The following CAMLG variants were observed in gnomAD, a reference collection of about 807,000 sequenced individuals.
CAMLG encodes the protein calcium modulating ligand.
A neutral mutation model predicts 28.9 loss-of-function variants in CAMLG; 23 were observed. The ratio of observed to expected loss-of-function variants is 0.80; its 90% confidence interval spans 0.57 to 1.13. The LOEUF (loss-of-function observed/expected upper bound fraction) is 1.13, where lower values mean the gene tolerates loss of function less well. CAMLG is among the 50% of genes most tolerant of loss of function. CAMLG has a pLI of 0.00. For missense variants in CAMLG, 367 were observed against 371.9 expected (o/e 0.99, Z 0.11); for synonymous variants, 141 against 146.5 (o/e 0.96, Z 0.27).
intron 1 of CAMLG, among the ~76,000 whole-genome samples, chr5:134,740,599 C>CT (rs1327731473): frequency 5.1e-4 from 77 of 151,894 alleles, no homozygotes; most frequent in East Asian, 3.3e-3. Context: ...CAGCTTTTTT[C>CT]TTTTTTTTGT....
intron 3 of CAMLG, among the ~76,000 whole-genome samples, chr5:134,749,309 C>T (rs145506998): frequency 0.1 from 15,916 of 152,032 alleles, 1,143 homozygotes; most frequent in East Asian, 0.26. Context: ...ACCTTGTGAT[C>T]CACCCACCTC....
chr5:134,738,910 C>T (rs1223757147), intron 1 of CAMLG, 118 bp downstream of exon 1: 4 of 965,696 alleles, frequency 4.1e-6, no homozygotes, highest in East Asian at 2.7e-5. Context: ...TCTTTGATTT[C>T]CTCTCTGTCC....
In CAMLG at chr5:134,741,491, C is replaced by G. The variant is rs750597533; in HGVS notation, c.601C>G (p.Leu201Val). The G allele has an allele frequency of 1.9e-6, 3 of 1,611,622 alleles. No individual in the cohort carries two copies. The highest frequency in any genetic ancestry group is 2.5e-6 in the Non-Finnish European group (3 of 1,178,212). The change falls in exon 2 of 4, where the codon CTT (leucine) becomes GTT (valine). Residue 201 changes from leucine to valine, a missense_variant. Leu to Val is a conservative substitution (Grantham distance 32). Transcript: ENST00000297156. ...ATTGGTGGGATGTGCTCTTCTTGCTCTTGGAGTCAGAGCTTTTGTTTGCAA... is the reference window on the plus strand; with the variant it reads ...ATTGGTGGGATGTGCTCTTCTTGCTGTTGGAGTCAGAGCTTTTGTTTGCAA... ...FRLVGCALLALGVRAFVCKYL... is the reference protein window; with the variant it reads ...FRLVGCALLAVGVRAFVCKYL...
At chr5:134,741,687 T>C (rs556511791) in intron 2 of CAMLG, among the ~76,000 whole-genome samples, 164 bp downstream of exon 2, 21 of 152,366 alleles carry the variant, frequency 1.4e-4, no homozygotes, top group African/African-American at 2.9e-4. Flanking sequence ...TCTCATAGAA[T>C]GAAGTGTTCT....
Position 134,738,918 on chromosome 5 carries a change from T to G in CAMLG, c.172+126T>G, listed in dbSNP as rs536555059. The G allele has an allele frequency of 2.5e-5, 23 of 907,374 alleles. No homozygotes were observed. In the East Asian group the frequency reaches 6.0e-4, roughly 24 times the overall value. The allele number at this position is 907,374 out of a possible 1,614,324, so 56.2% of individuals were successfully genotyped here. A position where few individuals can be genotyped will look rare whatever the true frequency, so the allele number is the denominator to read the frequency against. ...GCCTTGCTCTTTGATTTCCTCTCTG[T>G]CCCGCCCCTTCGGTGATATCCCAAG... On this transcript the variant is annotated intron_variant, in intron 1 of 3. Transcript: ENST00000297156.
chr5:134,750,985 A>C lies in CAMLG; in HGVS notation c.*35A>C. The C allele has an allele frequency of 6.5e-7, 1 of 1,532,556 alleles. No individual in the cohort carries two copies. The highest frequency in any genetic ancestry group is 8.9e-7 in the Non-Finnish European group (1 of 1,129,470). The allele number at this position is 1,532,556 out of a possible 1,614,324, so 94.9% of individuals were successfully genotyped here. On this transcript the variant is annotated 3_prime_UTR_variant, in exon 4 of 4. Transcript: ENST00000297156. ...AACTGAGAAGGAGAAGCTTACAAAAAAAAAAAAATCCTCTTCTATATTGCA... is the reference window on the plus strand; with the variant it reads ...AACTGAGAAGGAGAAGCTTACAAAACAAAAAAAATCCTCTTCTATATTGCA...
At chr5:134,749,060 G>A (rs1362978123) in intron 3 of CAMLG, among the ~76,000 whole-genome samples, 2 of 150,472 alleles carry the variant, frequency 1.3e-5, no homozygotes, top group Non-Finnish European at 3.0e-5. Flanking sequence ...TTTCTTTTAG[G>A]TAACTATAGG....
intron 2 of CAMLG, among the ~76,000 whole-genome samples, chr5:134,742,366 C>T (rs1364113857): frequency 2.0e-5 from 3 of 152,172 alleles, no homozygotes; most frequent in Non-Finnish European, 4.4e-5. Flanking sequence ...AGCTACTAAG[C>T]GGTGCTAGGA....
chr5:134,740,989 T>G, intron 1 of CAMLG, 74 bp from the exon 2 acceptor site: 1 of 976,988 alleles, frequency 1.0e-6, no homozygotes, highest in Non-Finnish European at 1.6e-6. Flanking sequence ...CAACAGCATA[T>G]TTTAAAACAT....
chr5:134,740,413 A>C (rs1200209804), intron 1 of CAMLG, among the ~76,000 whole-genome samples: 1 of 152,190 alleles, frequency 6.6e-6, no homozygotes, highest in Non-Finnish European at 1.5e-5. Context: ...CAGGCAATGC[A>C]ATCATACATC....
At chr5:134,745,292 C>T (rs946846677) in intron 3 of CAMLG, among the ~76,000 whole-genome samples, 10 of 151,704 alleles carry the variant, frequency 6.6e-5, no homozygotes, top group Non-Finnish European at 1.5e-4. Context: ...AAAAGTTAGC[C>T]GGGCGTGGTG....
chr5:134,749,646 G>T (rs1753090475), intron 3 of CAMLG, among the ~76,000 whole-genome samples: 2 of 152,132 alleles, frequency 1.3e-5, no homozygotes, highest in South Asian at 4.1e-4. Flanking sequence ...CCTCTAACTT[G>T]TCCTGAGACT....
chr5:134,745,539 G>T (rs1201140315), intron 3 of CAMLG, among the ~76,000 whole-genome samples: 1 of 151,962 alleles, frequency 6.6e-6, no homozygotes, highest in Non-Finnish European at 1.5e-5. Flanking sequence ...ATCACCTGAG[G>T]TCAGGAGCTC....
In CAMLG at chr5:134,741,485, C is replaced by G; in HGVS notation, c.595C>G (p.Leu199Val). 6.2e-7 allele frequency: 1 copy of G among 1,613,300 alleles called. No individual in the cohort carries two copies. Among genetic ancestry groups the G allele is most frequent in the Non-Finnish European group, 8.5e-7 (1 of 1,179,318 alleles). ...RIFRLVGCAL[L>V]ALGVRAFVCK... ...ATTTAGATTGGTGGGATGTGCTCTTCTTGCTCTTGGAGTCAGAGCTTTTGT... is the reference window on the plus strand; with the variant it reads ...ATTTAGATTGGTGGGATGTGCTCTTGTTGCTCTTGGAGTCAGAGCTTTTGT... Residue 199 changes from leucine (L) to valine (V), a missense_variant, in exon 2 of 4, where the codon CTT (leucine) becomes GTT (valine). Coordinates refer to ENST00000297156, the MANE Select transcript of CAMLG (RefSeq NM_001745.4).
chr5:134,739,436 T>A (rs1752957685), intron 1 of CAMLG, among the ~76,000 whole-genome samples: 1 of 152,222 alleles, frequency 6.6e-6, no homozygotes, highest in Non-Finnish European at 1.5e-5. Flanking sequence ...AGTGCACACC[T>A]GAGAGTTTCC....
intron 3 of CAMLG, among the ~76,000 whole-genome samples, chr5:134,747,831 G>A (rs1274738657): frequency 6.6e-6 from 1 of 151,480 alleles, no homozygotes; most frequent in Non-Finnish European, 1.5e-5. Context: ...TAGTAGAGAC[G>A]GGGTTTCACC....
In CAMLG at chr5:134,750,804, T is replaced by C. The variant is rs146082470; in HGVS notation, c.745T>C (p.Leu249=). ...AACAGTACTAACAGCTGCACTTCTA[T>C]TGTCGGGAATTCCTGCCGAAGTGAT... The part of the protein sequence containing the change: ...KTTVLTAALL[L]SGIPAEVINR... The change falls in exon 4 of 4, where the codon TTG becomes CTG. Residue 249 remains leucine, a synonymous_variant. Transcript: ENST00000297156. 2.4e-5 allele frequency: 39 copies of C among 1,613,932 alleles called. No homozygotes were observed. In the African/African-American group the frequency reaches 4.3e-4, roughly 18 times the overall value.
Position 134,738,746 on chromosome 5 carries a change from G to C in CAMLG, c.126G>C (p.Gln42His). 6.2e-7 allele frequency: 1 copy of C among 1,614,156 alleles called. No homozygotes were observed. Among genetic ancestry groups the C allele is most frequent in the Non-Finnish European group, 8.5e-7 (1 of 1,180,016 alleles). ...RRRKLLMNSE[Q>H]RINRIMGFHR... ...GAAAGCTGCTCATGAACTCGGAACA[G>C]CGCATCAACCGGATCATGGGCTTTC... Residue 42 changes from glutamine (Q) to histidine (H), a missense_variant, in exon 1 of 4, where the codon CAG becomes CAC. Coordinates refer to ENST00000297156, the MANE Select transcript of CAMLG (RefSeq NM_001745.4).
At chr5:134,744,515 AGACTCT>A (rs1310455359) in intron 3 of CAMLG, among the ~76,000 whole-genome samples, 5 of 142,538 alleles carry the variant, frequency 3.5e-5, no homozygotes, top group African/African-American at 8.2e-5. Context: ...TGACAGAGTG[AGACTCT>A]GTCTCCAAAA....
Sources: gnomAD v4.1 joint callset for allele counts (sites outside exome capture counted in the v4.1 genomes callset) on GRCh38, gnomAD v4.1.1 for gene constraint, MANE v1.5 for transcripts, NCBI Gene and HGNC (gene_info 2026-07-23, HGNC 2026-07-21) for gene names.